The following ADAMTSL1 variants were observed in gnomAD, a reference collection of about 807,000 sequenced individuals.
ADAMTSL1 encodes the protein ADAMTS-like protein 1.
In ADAMTSL1, 126 loss-of-function variants were observed where a neutral mutation model predicts 201.8. The observed-to-expected ratio is 0.62, with a 90% CI of 0.54 to 0.72. ADAMTSL1 has a LOEUF of 0.72. Among genes scored for constraint, ADAMTSL1 ranks in the 30% least tolerant of loss-of-function variants. ADAMTSL1 has a pLI of 0.00. For missense variants in ADAMTSL1, 2,679 were observed against 2,277.8 expected, an observed-to-expected ratio of 1.18 and a Z score of -3.59; for synonymous variants, 1,121 against 903.4, an observed-to-expected ratio of 1.24 and a Z score of -4.32.
At chr9:18,898,063 C>A (rs1829765798) in intron 26 of ADAMTSL1, among the ~76,000 whole-genome samples, 1 of 151,596 alleles carries the variant, frequency 6.6e-6, no homozygotes, top group African/African-American at 2.4e-5. Flanking sequence ...GTGGCGGGCA[C>A]CTGTAGCCCC....
At chr9:18,023,753 AT>A (rs1225869216) in intron 1 of ADAMTSL1, among the ~76,000 whole-genome samples, 2 of 152,156 alleles carry the variant, frequency 1.3e-5, no homozygotes, top group African/African-American at 4.8e-5. Flanking sequence ...AAAATTTCAA[AT>A]AGCTGCCCTT....
intron 2 of ADAMTSL1, among the ~76,000 whole-genome samples, chr9:18,232,061 T>C (rs955732603): frequency 2.0e-5 from 3 of 152,122 alleles, no homozygotes; most frequent in African/African-American, 7.2e-5. Flanking sequence ...CCCTCAGCTC[T>C]CCATGTCACT....
chr9:18,444,925 C>G (rs1820130605), intron 2 of ADAMTSL1, among the ~76,000 whole-genome samples: 1 of 152,164 alleles, frequency 6.6e-6, no homozygotes. Flanking sequence ...AAGTATTTAG[C>G]ATGCCTTCTT....
intron 1 of ADAMTSL1, among the ~76,000 whole-genome samples, chr9:18,006,540 A>G (rs576319436): frequency 6.6e-6 from 1 of 152,076 alleles, no homozygotes; most frequent in Admixed American, 6.6e-5. Flanking sequence ...AAATCGATAA[A>G]TTGATGAATA....
intron 2 of ADAMTSL1, among the ~76,000 whole-genome samples, chr9:18,422,287 A>T (rs1818991446): frequency 6.6e-6 from 1 of 152,180 alleles, no homozygotes; most frequent in African/African-American, 2.4e-5. Flanking sequence ...TCACATCAAA[A>T]GAGATACCCC....
intron 1 of ADAMTSL1, among the ~76,000 whole-genome samples, chr9:18,074,133 C>A (rs1314357270): frequency 6.6e-6 from 1 of 152,180 alleles, no homozygotes; most frequent in Non-Finnish European, 1.5e-5. Context: ...TAAAATCATG[C>A]CCCTGTGTTC....
chr9:17,943,497 AG>A (rs1827327910), intron 1 of ADAMTSL1, among the ~76,000 whole-genome samples: 1 of 152,080 alleles, frequency 6.6e-6, no homozygotes, highest in African/African-American at 2.4e-5. Context: ...GGGTGGGGGT[AG>A]TGCCAAAGTT....
At position 18,889,621 on chromosome 9, in the gene ADAMTSL1, CG is replaced by C; in HGVS notation, c.4522del (p.Val1508PhefsTer6). ...LATCSASCGN[R>X]GVQQPRLRCL... is the part of the protein sequence containing the mutation. ...AACCTGCTCAGCCTCCTGTGGTAAC[CG>C]GGGGGTTCAGCAGCCCCGCTTGAGG... On this transcript the variant is annotated frameshift_variant, in exon 25 of 29. Coordinates refer to ENST00000380548, the MANE Select transcript of ADAMTSL1 (RefSeq NM_001040272.6). LOFTEE classifies it high-confidence loss of function. 6.2e-7 allele frequency: 1 copy of C among 1,613,662 alleles called. No homozygotes were observed. Among genetic ancestry groups the C allele is most frequent in the Non-Finnish European group, 8.5e-7 (1 of 1,179,760 alleles).
intron 1 of ADAMTSL1, among the ~76,000 whole-genome samples, chr9:18,069,144 G>A (rs1348473470): frequency 3.3e-5 from 5 of 152,060 alleles, no homozygotes; most frequent in East Asian, 3.9e-4. Flanking sequence ...GCTGAAATAC[G>A]GTGTCTGAAT....
chr9:18,770,217 C>G (rs1023780058), intron 16 of ADAMTSL1, among the ~76,000 whole-genome samples: 1 of 152,194 alleles, frequency 6.6e-6, no homozygotes, highest in East Asian at 1.9e-4. Context: ...CGGGAGCTCT[C>G]TCCTGTTCAT....
At chr9:18,733,631 C>CACT (rs369119557) in intron 15 of ADAMTSL1, among the ~76,000 whole-genome samples, 1 of 144,304 alleles carries the variant, frequency 6.9e-6, no homozygotes, top group East Asian at 2.1e-4. Flanking sequence ...CCACCACTCC[C>CACT]CCCACACACA....
At chr9:18,593,708 T>C (rs569708105) in intron 4 of ADAMTSL1, among the ~76,000 whole-genome samples, 250 of 152,254 alleles carry the variant, frequency 1.6e-3, no homozygotes, top group African/African-American at 5.8e-3. Flanking sequence ...CATGTGTTTG[T>C]ATAGTTTCCA....
At position 18,425,240 on chromosome 9, in the gene ADAMTSL1, C is replaced by T. The variant is rs142814536; in HGVS notation, c.208-79589C>T. 3.3e-5 allele frequency among the ~76,000 whole-genome samples: 5 copies of T among 151,966 alleles called. No homozygotes were observed. In the East Asian group the frequency reaches 9.7e-4, roughly 29 times the overall value. Reference sequence around the variant, plus strand: ...ATTTTATGTTCCAGCCCTCATCCTCCCAATCTCGTGTTCTCACCTAAAAAA... The same window carrying T: ...ATTTTATGTTCCAGCCCTCATCCTCTCAATCTCGTGTTCTCACCTAAAAAA... On this transcript the variant is annotated intron_variant, in intron 2 of 29. Coordinates refer to the ADAMTSL1 transcript ENST00000680146.
At chr9:18,747,379 G>C (rs541608926) in intron 15 of ADAMTSL1, among the ~76,000 whole-genome samples, 92 of 152,004 alleles carry the variant, frequency 6.1e-4, no homozygotes, top group Non-Finnish European at 1.1e-3. Context: ...AGTGAATGAG[G>C]CTCGGATCAT....
At chr9:18,188,131 G>C (rs1587267000) in intron 2 of ADAMTSL1, among the ~76,000 whole-genome samples, 2 of 152,022 alleles carry the variant, frequency 1.3e-5, no homozygotes, top group African/African-American at 4.8e-5. Context: ...AAGCTGAGAG[G>C]CTGTTTAACA....
intron 23 of ADAMTSL1, among the ~76,000 whole-genome samples, chr9:18,842,154 T>G (rs1442217788): frequency 5.9e-5 from 9 of 152,168 alleles, no homozygotes; most frequent in Non-Finnish European, 1.2e-4. Context: ...GGATCTTTCC[T>G]GCTTTCTCTT....
chr9:18,630,010 C>A (rs981149465), intron 5 of ADAMTSL1, among the ~76,000 whole-genome samples: 4 of 151,568 alleles, frequency 2.6e-5, no homozygotes, highest in Non-Finnish European at 5.9e-5. Context: ...TCTTTGCGTG[C>A]CTCATTATTT....
chr9:18,310,485 C>T (rs566911882), intron 2 of ADAMTSL1, among the ~76,000 whole-genome samples: 2 of 147,478 alleles, frequency 1.4e-5, no homozygotes, highest in South Asian at 2.2e-4. Context: ...TATCCAGAAT[C>T]TATAAGGAAC....
intron 1 of ADAMTSL1, among the ~76,000 whole-genome samples, chr9:18,038,540 A>C (rs1461194972): frequency 6.6e-6 from 1 of 152,180 alleles, no homozygotes; most frequent in Non-Finnish European, 1.5e-5. Flanking sequence ...ATTTTATCTC[A>C]ACCTGTATCT....
Sources: allele counts gnomAD v4.1 joint callset (sites outside exome capture counted in the v4.1 genomes callset), GRCh38; gene constraint gnomAD v4.1.1; transcripts MANE v1.5; gene names NCBI Gene and HGNC (gene_info 2026-07-23, HGNC 2026-07-21).